BRINP3: variants seen among roughly 807,000 people sequenced by gnomAD.
The protein encoded by BRINP3 is BMP/retinoic acid inducible neural specific 3, also known as BMP/retinoic acid-inducible neural-specific protein 3.
A neutral mutation model predicts 71.0 loss-of-function variants in BRINP3; 19 were observed. That is an observed-to-expected ratio of 0.27 (90% confidence interval 0.19 to 0.39). The LOEUF is 0.39. BRINP3 is among the 10% of genes least tolerant of loss of function. The pLI, the probability that BRINP3 is intolerant of heterozygous loss-of-function variation, is 1.00. For synonymous variants in BRINP3, 380 were observed against 337.7 expected (o/e 1.13, Z -1.37); for missense variants, 959 against 940.8 (o/e 1.02, Z -0.25).
intron 1 of BRINP3, chr1:190,476,008 AC>A (rs1301000208): frequency 6.6e-6 from 1 of 151,952 alleles, no homozygotes; most frequent in African/African-American, 2.4e-5. Flanking sequence ...CCAGGTAGAA[AC>A]TAGTGACCTA....
At chr1:190,166,478 A>T (rs934404883) in intron 6 of BRINP3, among the ~76,000 whole-genome samples, 15 of 152,178 alleles carry the variant, frequency 9.9e-5, no homozygotes, top group African/African-American at 3.6e-4. Context: ...GAAGCTGGAA[A>T]ACCCAGGTCC....
intron 6 of BRINP3, among the ~76,000 whole-genome samples, chr1:190,193,279 AG>A: frequency 6.6e-6 from 1 of 152,186 alleles, no homozygotes; most frequent in East Asian, 1.9e-4. Flanking sequence ...ACAAAGAACA[AG>A]ATGATGTTTT....
At chr1:190,291,173 C>T (rs1002493010) in intron 2 of BRINP3, among the ~76,000 whole-genome samples, 1 of 151,866 alleles carries the variant, frequency 6.6e-6, no homozygotes, top group African/African-American at 2.4e-5. Flanking sequence ...ACTTAAAGGG[C>T]CTTTGAGAGT....
chr1:190,345,535 A>T (rs1218390364), intron 2 of BRINP3, among the ~76,000 whole-genome samples: 1 of 151,578 alleles, frequency 6.6e-6, no homozygotes, highest in Non-Finnish European at 1.5e-5. Flanking sequence ...TCATATTGTT[A>T]TATGAATTAA....
At position 190,370,637 on chromosome 1, in the gene BRINP3, C is replaced by T. The variant is rs553299085; in HGVS notation, c.236+84018G>A. 3.6e-3 allele frequency among the ~76,000 whole-genome samples: 547 copies of T among 152,256 alleles called. 3 individuals carry two copies. Among genetic ancestry groups the T allele is most frequent in the Non-Finnish European group, 4.7e-3 (317 of 68,012 alleles). ...GAAAAGTAGGTTAGAGGATATTTGG[C>T]GGCAGTGGGAGAGGCTGGCTTGGCT... On this transcript the variant is annotated intron_variant, in intron 2 of 7. Transcript: ENST00000367462.
chr1:190,291,850 T>G (rs1663894079), intron 2 of BRINP3, among the ~76,000 whole-genome samples: 1 of 152,206 alleles, frequency 6.6e-6, no homozygotes, highest in Non-Finnish European at 1.5e-5. Context: ...ACTTCCATGT[T>G]TATTGCAGCA....
chr1:190,389,266 C>T (rs1406808041), intron 2 of BRINP3, among the ~76,000 whole-genome samples: 1 of 151,586 alleles, frequency 6.6e-6, no homozygotes, highest in African/African-American at 2.4e-5. Context: ...ATCTCTTTCC[C>T]TACCATCCAA....
At chr1:190,111,610 G>A (rs80217370) in intron 7 of BRINP3, among the ~76,000 whole-genome samples, 2,860 of 152,214 alleles carry the variant, frequency 0.019, 43 homozygotes, top group Middle Eastern at 0.041. Context: ...TCTAATGTGG[G>A]AGAGTCTTGG....
intron 2 of BRINP3, among the ~76,000 whole-genome samples, chr1:190,424,092 AATAT>A (rs1328304789): frequency 6.6e-6 from 1 of 151,636 alleles, no homozygotes; most frequent in Non-Finnish European, 1.5e-5. Flanking sequence ...TATAGTCAAA[AATAT>A]ATATAGTCAA....
chr1:190,168,771 A>G (rs562950931), intron 6 of BRINP3, among the ~76,000 whole-genome samples: 8 of 152,324 alleles, frequency 5.3e-5, no homozygotes, highest in Admixed American at 4.6e-4. Context: ...TTAACTCAAA[A>G]TGTTGGCTAA....
intron 1 of BRINP3, among the ~76,000 whole-genome samples, chr1:190,465,509 GT>G (rs1676682482): frequency 1.3e-5 from 2 of 151,852 alleles, no homozygotes; most frequent in South Asian, 4.1e-4. Context: ...CTAGATATCC[GT>G]TTGGGTTCCT....
intron 2 of BRINP3, among the ~76,000 whole-genome samples, chr1:190,398,676 G>A (rs943613710): frequency 6.6e-6 from 1 of 151,846 alleles, no homozygotes; most frequent in Non-Finnish European, 1.5e-5. Flanking sequence ...AATTTACTGG[G>A]CATCTATGAT....
At chr1:190,197,546 G>T (rs1179334086) in intron 6 of BRINP3, among the ~76,000 whole-genome samples, 2 of 152,158 alleles carry the variant, frequency 1.3e-5, no homozygotes, top group Admixed American at 1.3e-4. Context: ...GGGGAAATTG[G>T]CCAAAACGAA....
intron 2 of BRINP3, among the ~76,000 whole-genome samples, chr1:190,366,941 G>C (rs1273997093): frequency 1.3e-5 from 2 of 152,148 alleles, no homozygotes; most frequent in Non-Finnish European, 2.9e-5. Flanking sequence ...CCTCCTCCCA[G>C]CTAGTTTCAT....
At chr1:190,119,436 C>T (rs1215823037) in intron 7 of BRINP3, among the ~76,000 whole-genome samples, 1 of 151,956 alleles carries the variant, frequency 6.6e-6, no homozygotes, top group Non-Finnish European at 1.5e-5. Context: ...CCACCATGCC[C>T]GGCTAATTTT....
chr1:190,385,956 T>C (rs1432417052), intron 2 of BRINP3, among the ~76,000 whole-genome samples: 3 of 148,010 alleles, frequency 2.0e-5, no homozygotes, highest in Non-Finnish European at 4.5e-5. Context: ...TTGGAAATCA[T>C]CATTCTCAGT....
chr1:190,230,055 C>T (rs188872510), intron 5 of BRINP3, among the ~76,000 whole-genome samples: 1 of 152,002 alleles, frequency 6.6e-6, no homozygotes, highest in Admixed American at 6.6e-5. Flanking sequence ...ATAGCTTTAA[C>T]AGCAGCATAG....
At chr1:190,133,900 C>A (rs1278668101) in intron 7 of BRINP3, among the ~76,000 whole-genome samples, 2 of 151,964 alleles carry the variant, frequency 1.3e-5, no homozygotes, top group African/African-American at 4.8e-5. Flanking sequence ...TAACTTAAAT[C>A]TCTGTATGTA....
At chr1:190,215,310 G>A (rs1185291485) in intron 6 of BRINP3, among the ~76,000 whole-genome samples, 1 of 151,736 alleles carries the variant, frequency 6.6e-6, no homozygotes, top group Non-Finnish European at 1.5e-5. Context: ...AAACTTAAAT[G>A]TAGGTTTTAC....
Sources: allele counts gnomAD v4.1 joint callset (sites outside exome capture counted in the v4.1 genomes callset), GRCh38; gene constraint gnomAD v4.1.1; transcripts MANE v1.5; gene names NCBI Gene and HGNC (gene_info 2026-07-23, HGNC 2026-07-21).